PDE1A: variants seen among roughly 807,000 people sequenced by gnomAD.
PDE1A encodes the protein dual specificity calcium/calmodulin-dependent 3',5'-cyclic nucleotide phosphodiesterase 1A.
Under a neutral mutation model 61.7 loss-of-function variants are expected in PDE1A, and 35 were observed. That is an observed-to-expected ratio of 0.57 (90% CI 0.43 to 0.75). PDE1A has a LOEUF of 0.75. Among genes scored for constraint, PDE1A ranks in the 30% least tolerant of loss-of-function variants. The pLI, the probability that PDE1A is intolerant of heterozygous loss-of-function variation, is 0.00. For missense variants in PDE1A, 597 were observed against 630.6 expected (o/e 0.95, Z 0.57); for synonymous variants, 232 against 213.2 (o/e 1.09, Z -0.77).
At chr2:182,251,943 T>C (rs1348097350) in intron 2 of PDE1A, among the ~76,000 whole-genome samples, 4 of 152,190 alleles carry the variant, frequency 2.6e-5, no homozygotes, top group Non-Finnish European at 4.4e-5. Context: ...CAGGGGTATA[T>C]TTGGAAGACA....
At chr2:182,381,834 T>C in intron 1 of PDE1A, among the ~76,000 whole-genome samples, 1 of 151,626 alleles carries the variant, frequency 6.6e-6, no homozygotes, top group African/African-American at 2.4e-5. Flanking sequence ...ATAATAATAA[T>C]AATTATATTA....
At chr2:182,248,515 G>C (rs1691156556) in intron 2 of PDE1A, among the ~76,000 whole-genome samples, 1 of 152,062 alleles carries the variant, frequency 6.6e-6, no homozygotes, top group Non-Finnish European at 1.5e-5. Flanking sequence ...ATCCTTCGGA[G>C]CTATTTATAA....
chr2:182,528,186 G>A (rs1412334194), upstream of PDE1A, among the ~76,000 whole-genome samples: 1 of 152,298 alleles, frequency 6.6e-6, no homozygotes, highest in East Asian at 1.9e-4. Flanking sequence ...ACTTTCTAGA[G>A]ACTTGTTAAA....
At chr2:182,598,288 T>C in the PDE1A span, among the ~76,000 whole-genome samples, 1 of 152,208 alleles carries the variant, frequency 6.6e-6, no homozygotes, top group Non-Finnish European at 1.5e-5. Context: ...AACAAGGTTC[T>C]CAACCGGGCA....
chr2:182,179,593 C>A (rs1684573675), intron 13 of PDE1A, among the ~76,000 whole-genome samples: 1 of 152,060 alleles, frequency 6.6e-6, no homozygotes, highest in South Asian at 2.1e-4. Context: ...ATGGCAAGAT[C>A]ATATATTTCA....
At chr2:182,362,346 A>G (rs1320645213) in intron 1 of PDE1A, among the ~76,000 whole-genome samples, 1 of 151,986 alleles carries the variant, frequency 6.6e-6, no homozygotes, top group Non-Finnish European at 1.5e-5. Context: ...ACGGGAAAAA[A>G]GTAGAAATAG....
At chr2:182,272,934 T>C (rs564549531) in intron 1 of PDE1A, among the ~76,000 whole-genome samples, 15 of 152,244 alleles carry the variant, frequency 9.9e-5, no homozygotes, top group Admixed American at 7.9e-4. Context: ...ACTAGTAATT[T>C]TAAAACAAAA....
At chr2:182,694,386 G>C in the PDE1A span, among the ~76,000 whole-genome samples, 1 of 152,216 alleles carries the variant, frequency 6.6e-6, no homozygotes, top group African/African-American at 2.4e-5. Context: ...AATGGGCTCA[G>C]ATGGATTCTG....
chr2:182,146,308 G>C (rs1434196018), downstream of PDE1A, among the ~76,000 whole-genome samples: 1 of 152,152 alleles, frequency 6.6e-6, no homozygotes, highest in Non-Finnish European at 1.5e-5. Context: ...CATGTTCACA[G>C]ATTTTAAGGA....
intron 2 of PDE1A, among the ~76,000 whole-genome samples, chr2:182,516,083 C>A (rs1031622844): frequency 6.6e-6 from 1 of 151,682 alleles, no homozygotes; most frequent in African/African-American, 2.4e-5. Context: ...GCTACTGTAA[C>A]AAATTTACCA....
chr2:182,346,434 G>A (rs1698522765), intron 1 of PDE1A, among the ~76,000 whole-genome samples: 1 of 152,090 alleles, frequency 6.6e-6, no homozygotes, highest in Admixed American at 6.6e-5. Flanking sequence ...GTAAGTTGGA[G>A]GTAAAATAGA....
intron 2 of PDE1A, among the ~76,000 whole-genome samples, chr2:182,469,166 G>C (rs575271871): frequency 1.3e-3 from 192 of 152,012 alleles, no homozygotes; most frequent in Non-Finnish European, 2.2e-3. Flanking sequence ...GTCAGGCATT[G>C]ACTTTTCTTC....
At chr2:182,172,620 C>T (rs1692335798) in intron 13 of PDE1A, among the ~76,000 whole-genome samples, 1 of 152,014 alleles carries the variant, frequency 6.6e-6, no homozygotes, top group African/African-American at 2.4e-5. Context: ...GCATTTCTCA[C>T]TTCTTATTTT....
At chr2:182,550,783 A>T in the PDE1A span, among the ~76,000 whole-genome samples, 223 of 152,266 alleles carry the variant, frequency 1.5e-3, no homozygotes, top group Non-Finnish European at 2.8e-3. Flanking sequence ...AATTGTTTCC[A>T]TCTTGTGGTT....
At chr2:182,568,461 T>C in the PDE1A span, among the ~76,000 whole-genome samples, 43 of 151,572 alleles carry the variant, frequency 2.8e-4, no homozygotes, top group African/African-American at 9.7e-4. Context: ...GGCAGATCAC[T>C]AGGACAGGAG....
chr2:182,486,377 T>G (rs1688024759), intron 2 of PDE1A, among the ~76,000 whole-genome samples: 1 of 152,060 alleles, frequency 6.6e-6, no homozygotes, highest in African/African-American at 2.4e-5. Context: ...TTCCCAAGAA[T>G]TGATCTACAG....
intron 1 of PDE1A, among the ~76,000 whole-genome samples, chr2:182,343,497 C>G (rs1310716801): frequency 6.6e-6 from 1 of 152,140 alleles, no homozygotes; most frequent in African/African-American, 2.4e-5. Flanking sequence ...TAATATGTTT[C>G]TTCTAAGATA....
At chr2:182,372,883 G>A (rs1255540056) in intron 1 of PDE1A, among the ~76,000 whole-genome samples, 2 of 152,182 alleles carry the variant, frequency 1.3e-5, no homozygotes, top group Non-Finnish European at 2.9e-5. Context: ...CAGAGGGACA[G>A]GCTGGAACAA....
chr2:182,228,766 G>C (rs1384692638), intron 6 of PDE1A, among the ~76,000 whole-genome samples: 3 of 151,918 alleles, frequency 2.0e-5, no homozygotes, highest in Non-Finnish European at 2.9e-5. Flanking sequence ...GTATTTTCTT[G>C]GTTCTGGAAA....
Sources: allele counts gnomAD v4.1 joint callset (sites outside exome capture counted in the v4.1 genomes callset), GRCh38; gene constraint gnomAD v4.1.1; transcripts MANE v1.5; gene names NCBI Gene and HGNC (gene_info 2026-07-23, HGNC 2026-07-21).